CSMD1: variants seen among roughly 807,000 people sequenced by gnomAD.
CSMD1 encodes the protein CUB and sushi domain-containing protein 1.
A neutral mutation model predicts 417.5 loss-of-function variants in CSMD1; 213 were observed. That is an observed-to-expected ratio of 0.51 (90% CI 0.46 to 0.57). The LOEUF is 0.57. Among genes scored for constraint, CSMD1 ranks in the 20% least tolerant of loss-of-function variants. CSMD1 has a pLI of 0.00. For synonymous variants in CSMD1, 2,862 were observed against 1,736.8 expected (o/e 1.65, Z -16.11); for missense variants, 6,923 against 4,529.7 (o/e 1.53, Z -15.17).
intron 5 of CSMD1, among the ~76,000 whole-genome samples, chr8:3,914,223 A>G (rs1010199081): frequency 6.6e-6 from 1 of 152,142 alleles, no homozygotes; most frequent in Non-Finnish European, 1.5e-5. Context: ...AGCACCTGCA[A>G]AAGGGCTAGA....
intron 6 of CSMD1, 144 bp downstream of exon 6, chr8:3,753,786 A>G: frequency 1.8e-6 from 1 of 553,100 alleles, no homozygotes. Flanking sequence ...TGTCGACTAT[A>G]TGATTTCCAA....
chr8:4,065,373 G>C (rs376512235), intron 3 of CSMD1, among the ~76,000 whole-genome samples: 2 of 152,194 alleles, frequency 1.3e-5, no homozygotes, highest in Admixed American at 1.3e-4. Context: ...GTTAGTAAAA[G>C]TTTATGGTCC....
At chr8:4,931,215 C>T (rs1011758669) in intron 1 of CSMD1, among the ~76,000 whole-genome samples, 4 of 152,102 alleles carry the variant, frequency 2.6e-5, no homozygotes, top group Non-Finnish European at 5.9e-5. Flanking sequence ...ATAACTCACT[C>T]CCCTTTTTTT....
At chr8:3,264,980 G>A (rs1192437919) in intron 26 of CSMD1, among the ~76,000 whole-genome samples, 2 of 152,048 alleles carry the variant, frequency 1.3e-5, no homozygotes, top group Non-Finnish European at 2.9e-5. Flanking sequence ...TATTACCAGG[G>A]TCTGCACCCC....
intron 5 of CSMD1, among the ~76,000 whole-genome samples, chr8:3,967,569 C>T (rs1040026690): frequency 5.9e-5 from 9 of 152,066 alleles, no homozygotes; most frequent in African/African-American, 2.2e-4. Flanking sequence ...CAAATATCAC[C>T]AGCTTGACCT....
intron 57 of CSMD1, among the ~76,000 whole-genome samples, chr8:2,971,308 G>T (rs893392167): frequency 1.3e-5 from 2 of 152,050 alleles, no homozygotes; most frequent in Admixed American, 6.6e-5. Flanking sequence ...CTTTTGCTCA[G>T]TGTAGGACCC....
intron 5 of CSMD1, among the ~76,000 whole-genome samples, chr8:3,765,752 G>A (rs73188942): frequency 6.6e-6 from 1 of 152,154 alleles, no homozygotes; most frequent in Non-Finnish European, 1.5e-5. Context: ...GGTGAGATCT[G>A]GCATCCTCCT....
chr8:4,750,994 G>C (rs554886308), intron 1 of CSMD1, among the ~76,000 whole-genome samples: 103 of 152,312 alleles, frequency 6.8e-4, no homozygotes, highest in African/African-American at 2.3e-3. Flanking sequence ...AACCTGGATT[G>C]TCAGACCCTT....
At chr8:4,823,479 T>A (rs534685208) in intron 1 of CSMD1, among the ~76,000 whole-genome samples, 1 of 152,102 alleles carries the variant, frequency 6.6e-6, no homozygotes, top group South Asian at 2.1e-4. Context: ...CAACCGAGGA[T>A]TCCATAGAAT....
chr8:4,187,538 G>T (rs1402036430), intron 3 of CSMD1, among the ~76,000 whole-genome samples: 3 of 152,000 alleles, frequency 2.0e-5, no homozygotes, highest in Non-Finnish European at 2.9e-5. Flanking sequence ...CAGCTACTTG[G>T]GAGACTCAGG....
rs796297635 is a variant in CSMD1, at chr8:3,942,875, T to TA, written c.818+55027dup. ...CCCACAAATTGATGTGATAATGTCA[T>TA]AAAATCAAATGAATACATCATTGTG... On this transcript the variant is annotated intron_variant, in intron 5 of 69. Coordinates refer to ENST00000635120, the MANE Select transcript of CSMD1 (RefSeq NM_033225.6). Among the ~76,000 whole-genome samples the TA allele has an allele frequency of 2.0e-5, 3 of 152,296 alleles. No individual in the cohort carries two copies. The South Asian group carries it at 6.2e-4, about 32-fold the overall frequency.
chr8:3,187,895 G>A lies in CSMD1; in HGVS notation c.5594C>T (p.Thr1865Ile). The change falls in exon 36 of 70, where the codon ACC becomes ATC. Residue 1865 changes from threonine (T) to isoleucine (I), a missense_variant. Transcript: ENST00000635120. ...SLEIHDGGDV[T>I]APRLGSFSGT... is the part of the protein sequence containing the mutation. ...TGAGAAGCTTCCCAGTCTGGGTGCGGTCACATCCCCACCATCGTGGATCTC... is the reference window on the plus strand; with the variant it reads ...TGAGAAGCTTCCCAGTCTGGGTGCGATCACATCCCCACCATCGTGGATCTC... 6.2e-7 allele frequency: 1 copy of A among 1,613,018 alleles called. No homozygotes were observed. Among genetic ancestry groups the A allele is most frequent in the Non-Finnish European group, 8.5e-7 (1 of 1,179,500 alleles).
intron 5 of CSMD1, among the ~76,000 whole-genome samples, chr8:3,966,445 T>A (rs903583563): frequency 1.3e-5 from 2 of 152,154 alleles, no homozygotes; most frequent in Admixed American, 1.3e-4. Context: ...ATTACCTACA[T>A]ATATTTTTTA....
At position 4,248,312 on chromosome 8, in the gene CSMD1, T is replaced by G. The variant is rs191685685; in HGVS notation, c.415+171641A>C. ...CAAACAATCTGAATTTATATACTAA[T>G]CAATCAATGCATGAAAGTTTCTCCC... On this transcript the variant is annotated intron_variant, in intron 3 of 69. Transcript: ENST00000635120. Among the ~76,000 whole-genome samples the G allele has an allele frequency of 7.3e-4, 111 of 152,276 alleles. 1 individual carries two copies. The highest frequency in any genetic ancestry group is 2.2e-3 in the African/African-American group (93 of 41,564).
intron 3 of CSMD1, among the ~76,000 whole-genome samples, chr8:4,140,219 C>T (rs1803701606): frequency 8.6e-6 from 1 of 116,184 alleles, no homozygotes; most frequent in African/African-American, 2.7e-5. Flanking sequence ...AAAAATTCAT[C>T]TGGATATGAA....
chr8:4,296,807 A>T (rs761014148), intron 3 of CSMD1, among the ~76,000 whole-genome samples: 2 of 148,064 alleles, frequency 1.4e-5, no homozygotes, highest in African/African-American at 2.5e-5. Context: ...AGAAAATGTG[A>T]TTATTGTATT....
At chr8:3,031,219 A>G (rs1810319151) in intron 50 of CSMD1, among the ~76,000 whole-genome samples, 1 of 151,256 alleles carries the variant, frequency 6.6e-6, no homozygotes, top group Non-Finnish European at 1.5e-5. Flanking sequence ...AATTTCACCA[A>G]AAACATGCAC....
At chr8:3,489,851 A>G (rs998914186) in intron 11 of CSMD1, among the ~76,000 whole-genome samples, 5 of 152,220 alleles carry the variant, frequency 3.3e-5, no homozygotes, top group Non-Finnish European at 7.3e-5. Context: ...ATGGAAACCC[A>G]CAAAATATTG....
intron 41 of CSMD1, among the ~76,000 whole-genome samples, chr8:3,138,535 G>A (rs1235562676): frequency 6.6e-6 from 1 of 152,236 alleles, no homozygotes; most frequent in African/African-American, 2.4e-5. Context: ...ACAAGAAGAA[G>A]CACATCAGAA....
Sources: gnomAD v4.1 joint callset for allele counts (sites outside exome capture counted in the v4.1 genomes callset) on GRCh38, gnomAD v4.1.1 for gene constraint, MANE v1.5 for transcripts, NCBI Gene and HGNC (gene_info 2026-07-23, HGNC 2026-07-21) for gene names.